Variants in UBE2E2 observed in about 807,000 individuals in gnomAD.
The protein encoded by UBE2E2 is ubiquitin-conjugating enzyme E2 E2.
In UBE2E2, 6 loss-of-function variants were observed where a neutral mutation model predicts 24.7. The observed-to-expected ratio is 0.24, with a 90% CI of 0.13 to 0.48. The LOEUF (loss-of-function observed/expected upper bound fraction) is 0.48, where lower values mean the gene tolerates loss of function less well. Among genes scored for constraint, UBE2E2 ranks in the 20% least tolerant of loss-of-function variants. The pLI, the probability that UBE2E2 is intolerant of heterozygous loss-of-function variation, is 0.99. For missense variants in UBE2E2, 169 were observed against 245.0 expected (o/e 0.69, Z 2.07); for synonymous variants, 104 against 83.6 (o/e 1.24, Z -1.33).
chr3:23,216,678 AT>A (rs1002463868), intron 2 of UBE2E2, among the ~76,000 whole-genome samples: 18 of 148,092 alleles, frequency 1.2e-4, no homozygotes, highest in Middle Eastern at 3.5e-3. Flanking sequence ...GCAGGCTTAA[AT>A]TTTTTTTTTT....
intron 5 of UBE2E2, among the ~76,000 whole-genome samples, chr3:23,557,590 C>T (rs1055565090): frequency 6.6e-6 from 1 of 152,188 alleles, no homozygotes; most frequent in East Asian, 1.9e-4. Context: ...AGAAAACCCA[C>T]ACCAGACGCA....
At chr3:23,265,999 G>C (rs1049814958) in intron 3 of UBE2E2, among the ~76,000 whole-genome samples, 31 of 152,018 alleles carry the variant, frequency 2.0e-4, no homozygotes, top group Non-Finnish European at 2.9e-4. Flanking sequence ...CATTTGCTTG[G>C]TAGATCTTCC....
intron 3 of UBE2E2, among the ~76,000 whole-genome samples, chr3:23,446,362 T>A (rs976794697): frequency 1.3e-5 from 2 of 152,206 alleles, no homozygotes; most frequent in African/African-American, 4.8e-5. Flanking sequence ...ATGTCTGCTA[T>A]GTGTATTTTA....
chr3:23,562,455 G>A (rs987829660), intron 5 of UBE2E2, among the ~76,000 whole-genome samples: 62 of 152,270 alleles, frequency 4.1e-4, no homozygotes, highest in African/African-American at 1.4e-3. Context: ...TTGATGTGCT[G>A]CTGGATTCGG....
At chr3:23,469,404 T>A (rs1698988566) in intron 3 of UBE2E2, among the ~76,000 whole-genome samples, 1 of 152,192 alleles carries the variant, frequency 6.6e-6, no homozygotes, top group Non-Finnish European at 1.5e-5. Context: ...GAAACAGTTG[T>A]AACAAATAGA....
chr3:23,310,012 C>A (rs1218318592), intron 3 of UBE2E2, among the ~76,000 whole-genome samples: 1 of 152,138 alleles, frequency 6.6e-6, no homozygotes, highest in East Asian at 1.9e-4. Flanking sequence ...AGCATCAGTT[C>A]TGTCACATTC....
chr3:23,300,348 C>T, intron 3 of UBE2E2, among the ~76,000 whole-genome samples: 1 of 152,114 alleles, frequency 6.6e-6, no homozygotes, highest in Non-Finnish European at 1.5e-5. Context: ...GGTTATTTTG[C>T]TCGATAGTTG....
intron 3 of UBE2E2, among the ~76,000 whole-genome samples, chr3:23,259,570 C>CT (rs1697839908): frequency 1.0e-5 from 1 of 96,358 alleles, no homozygotes; most frequent in Non-Finnish European, 2.4e-5. Context: ...TATCCTGGAA[C>CT]TTTAAAAAAA....
At chr3:23,534,147 T>TG in intron 5 of UBE2E2, 1 of 959,552 alleles carries the variant, frequency 1.0e-6, no homozygotes, top group Non-Finnish European at 1.2e-6. Flanking sequence ...TTTTTTTTTT[T>TG]TTGAGGTGAT....
At chr3:23,210,790 A>C (rs1027019271) in intron 2 of UBE2E2, among the ~76,000 whole-genome samples, 4 of 152,140 alleles carry the variant, frequency 2.6e-5, no homozygotes, top group African/African-American at 9.7e-5. Context: ...CCATTGGCAA[A>C]TTGTTGTGAA....
intron 5 of UBE2E2, among the ~76,000 whole-genome samples, chr3:23,549,699 G>C (rs1457230467): frequency 7.2e-6 from 1 of 139,442 alleles, no homozygotes; most frequent in Non-Finnish European, 1.5e-5. Context: ...GTCCATATTA[G>C]CTGTGTTAGG....
At chr3:23,568,960 C>G (rs1696158027) in intron 5 of UBE2E2, among the ~76,000 whole-genome samples, 1 of 151,628 alleles carries the variant, frequency 6.6e-6, no homozygotes, top group African/African-American at 2.4e-5. Flanking sequence ...GTTATAAGAC[C>G]AAGCAATCCT....
chr3:23,226,756 A>G (rs182286979), intron 3 of UBE2E2, among the ~76,000 whole-genome samples: 15 of 152,312 alleles, frequency 9.8e-5, no homozygotes, highest in Non-Finnish European at 2.2e-4. Context: ...CTTTCTAGGA[A>G]GGGTGTTAAA....
At chr3:23,249,877 C>T (rs931527106) in intron 3 of UBE2E2, among the ~76,000 whole-genome samples, 5 of 152,058 alleles carry the variant, frequency 3.3e-5, no homozygotes, top group African/African-American at 4.8e-5. Flanking sequence ...AGGATAGTCT[C>T]GATCTCCTGA....
At chr3:23,445,347 C>A (rs1698403422) in intron 3 of UBE2E2, among the ~76,000 whole-genome samples, 1 of 152,190 alleles carries the variant, frequency 6.6e-6, no homozygotes, top group African/African-American at 2.4e-5. Flanking sequence ...GTGCCCAATT[C>A]ATTTTTCCAG....
chr3:23,211,696 T>A (rs908703997), intron 2 of UBE2E2, among the ~76,000 whole-genome samples: 13 of 152,106 alleles, frequency 8.5e-5, no homozygotes, highest in Admixed American at 3.9e-4. Context: ...GTGCCTAGCC[T>A]CTGTGATCTT....
At chr3:23,356,000 T>A (rs1469478053) in intron 3 of UBE2E2, among the ~76,000 whole-genome samples, 1 of 152,070 alleles carries the variant, frequency 6.6e-6, no homozygotes, top group East Asian at 2.0e-4. Context: ...AATTGATTAC[T>A]TCATTAAAGC....
chr3:23,553,321 A>T (rs531857993), intron 5 of UBE2E2, among the ~76,000 whole-genome samples: 2 of 152,296 alleles, frequency 1.3e-5, no homozygotes, highest in South Asian at 2.1e-4. Context: ...CTAAAAAAAA[A>T]AATAATTTCA....
chr3:23,235,920 T>G (rs71620701), intron 3 of UBE2E2, among the ~76,000 whole-genome samples: 1,607 of 152,168 alleles, frequency 0.011, 18 homozygotes, highest in Non-Finnish European at 0.018. Flanking sequence ...TGAACATGAG[T>G]TTGGAGCTCA....
Sources: allele counts gnomAD v4.1 joint callset (sites outside exome capture counted in the v4.1 genomes callset), GRCh38; gene constraint gnomAD v4.1.1; transcripts MANE v1.5; gene names NCBI Gene and HGNC (gene_info 2026-07-23, HGNC 2026-07-21).